ZAN: variants seen among roughly 807,000 people sequenced by gnomAD.
ZAN encodes zonadhesin (gene/pseudogene).
A neutral mutation model predicts 286.2 loss-of-function variants in ZAN; 260 were observed. The observed-to-expected ratio is 0.91, with a 90% CI of 0.82 to 1.01. The LOEUF is 1.01. Ranked by LOEUF, ZAN falls within the 50% of genes least tolerant of loss-of-function variation. The pLI is 0.00. For synonymous variants in ZAN, 1,368 were observed against 1,417.5 expected (o/e 0.97, Z 0.79); for missense variants, 3,410 against 3,639.2 (o/e 0.94, Z 1.62).
rs183014219 is a variant in ZAN at position 100,767,919 on chromosome 7, C to T, written c.4949C>T (p.Thr1650Met). ...RLSSNLVLLY[T>M]NFGLQVRYDG... is the part of the protein sequence containing the mutation. Reference sequence around the variant, plus strand: ...AGCAGCAACCTCGTCCTCCTCTACACGAACTTTGGGCTCCAAGTTCGCTAC... The same window carrying T: ...AGCAGCAACCTCGTCCTCCTCTACATGAACTTTGGGCTCCAAGTTCGCTAC... The change falls in exon 26 of 48, where the codon ACG (threonine) becomes ATG (methionine). Residue 1650 changes from threonine to methionine, a missense_variant. Transcript: ENST00000613979. 1.4e-5 allele frequency: 23 copies of T among 1,614,000 alleles called. No homozygotes were observed. Among genetic ancestry groups the T allele is most frequent in the South Asian group, 7.7e-5 (7 of 91,080 alleles).
chr7:100,771,491 G>A (rs1810365512), intron 28 of ZAN, among the ~76,000 whole-genome samples: 2 of 151,702 alleles, frequency 1.3e-5, no homozygotes, highest in South Asian at 4.1e-4. Flanking sequence ...GAGTGCAATG[G>A]CACAATCTCA....
intron 14 of ZAN, among the ~76,000 whole-genome samples, chr7:100,753,707 C>A (rs1319375160): frequency 6.6e-6 from 1 of 151,488 alleles, no homozygotes; most frequent in African/African-American, 2.4e-5. Context: ...GTGGCGCACG[C>A]CTGTAGTCCC....
rs1328956910 is a variant in ZAN at position 100,766,590 on chromosome 7, T to C, written c.4536T>C (p.Ile1512=). The C allele has an allele frequency of 1.3e-6, 2 of 1,553,244 alleles. No individual in the cohort carries two copies. Among genetic ancestry groups the C allele is most frequent in the Non-Finnish European group, 1.7e-6 (2 of 1,147,934 alleles). The change falls in exon 24 of 48, where the codon ATT becomes ATC. Residue 1512 remains isoleucine, a synonymous_variant. Coordinates refer to ENST00000613979, the MANE Select transcript of ZAN (RefSeq NM_003386.3). The part of the protein sequence containing the change: ...ELCVCESNNR[I]RCQPWRCRAQ... The stretch of plus-strand genomic sequence containing the variant: ...GCGTCTGTGAAAGCAACAACAGAAT[T>C]CGCTGCCAGCCCTGGAGGTGTAGGG...
In ZAN at chr7:100,782,554, C is replaced by T. The variant is rs184575728; in HGVS notation, c.6623-2069C>T. 9.8e-3 allele frequency among the ~76,000 whole-genome samples: 1,498 copies of T among 152,248 alleles called. 14 individuals are homozygous for T. The highest frequency in any genetic ancestry group is 0.015 in the Non-Finnish European group (1,019 of 68,024). On this transcript the variant is annotated intron_variant, in intron 35 of 47. Transcript: ENST00000613979. ...CCATGTTGGCCAGGCTGGTCTCAAACTCCTGGCCTCAAGTGATCTGCCCGC... is the reference window on the plus strand; with the variant it reads ...CCATGTTGGCCAGGCTGGTCTCAAATTCCTGGCCTCAAGTGATCTGCCCGC...
Position 100,737,349 on chromosome 7 carries a change from G to T in ZAN, c.613G>T (p.Val205Phe). ...LSIRRGSCNR[V>F]CMMQTCSFDI... ...TATCCGCCGGGGCTCCTGTAATCGC[G>T]GTGAGTCCCTGTCCCTCCTCCCGCC... is the stretch of plus-strand genomic sequence containing the variant. The change falls in exon 6 of 48, where the codon GTC (valine) becomes TTC (phenylalanine). Residue 205 changes from valine to phenylalanine, a missense_variant and splice_region_variant. Val to Phe is a conservative substitution (Grantham distance 50). Coordinates refer to ENST00000613979, the MANE Select transcript of ZAN (RefSeq NM_003386.3). 2.1e-6 allele frequency: 3 copies of T among 1,456,978 alleles called. 1 individual carries two copies. Among genetic ancestry groups the T allele is most frequent in the Non-Finnish European group, 9.3e-7 (1 of 1,070,350 alleles). The allele number at this position is 1,456,978 out of a possible 1,614,324, so 90.3% of individuals were successfully genotyped here. A position where few individuals can be genotyped will look rare whatever the true frequency, so the allele number is the denominator to read the frequency against.
chr7:100,770,900 C>G (rs986689937), intron 28 of ZAN, among the ~76,000 whole-genome samples: 1 of 151,996 alleles, frequency 6.6e-6, no homozygotes, highest in Non-Finnish European at 1.5e-5. Context: ...GCCTCCCAGG[C>G]GCAAGCTATT....
chr7:100,784,537 C>T, intron 35 of ZAN, 86 bp from the exon 36 acceptor site: 1 of 1,348,626 alleles, frequency 7.4e-7, no homozygotes, highest in Non-Finnish European at 1.0e-6. Flanking sequence ...TGTTGGTCAT[C>T]CACCCATAGC....
At chr7:100,753,753 A>G (rs1808954733) in intron 14 of ZAN, among the ~76,000 whole-genome samples, 1 of 145,836 alleles carries the variant, frequency 6.9e-6, no homozygotes, top group Non-Finnish European at 1.5e-5. Flanking sequence ...GGATCACTTG[A>G]GCCTAGGAGG....
rs759019243 is a variant in ZAN, at chr7:100,752,401, CCCA to C, written c.2300_2302del (p.Thr767del). 3 of 1,542,602 alleles carry C rather than the reference CCCA, an allele frequency of 1.9e-6. No homozygotes were observed. The highest frequency in any genetic ancestry group is 4.9e-5 in the East Asian group (2 of 41,056). On this transcript the variant is annotated inframe_deletion, in exon 14 of 48. Coordinates refer to ENST00000613979, the MANE Select transcript of ZAN (RefSeq NM_003386.3). ...AAAACCCACCACCCCCACAGAAAAA[CCCA>C]CCATCTCCCCAGAAAAACTCACCAT...
In ZAN at chr7:100,739,553, G is replaced by A. The variant is rs1807596451; in HGVS notation, c.766+940G>A. On this transcript the variant is annotated intron_variant, in intron 7 of 47. Coordinates refer to ENST00000613979, the MANE Select transcript of ZAN (RefSeq NM_003386.3). The stretch of plus-strand genomic sequence containing the variant: ...CACGCCTGTAATCCCAGCGCTTTGG[G>A]AAGCTGAGACGGGAGGATCACCTCA... Among the ~76,000 whole-genome samples the A allele has an allele frequency of 2.2e-5, 3 of 135,726 alleles. 1 individual carries two copies. The allele number at this position is 135,726 out of a possible 152,430, so 89.0% of individuals were successfully genotyped here.
chr7:100,783,382 A>T (rs1296699869), intron 35 of ZAN, among the ~76,000 whole-genome samples: 1 of 151,864 alleles, frequency 6.6e-6, no homozygotes, highest in Non-Finnish European at 1.5e-5. Context: ...TGGTTTGCTT[A>T]TGTCTTCAGC....
intron 23 of ZAN, among the ~76,000 whole-genome samples, 191 bp from the exon 24 acceptor site, chr7:100,766,334 T>C (rs1809968936): frequency 6.6e-6 from 1 of 152,116 alleles, no homozygotes; most frequent in African/African-American, 2.4e-5. Flanking sequence ...CCAGAAATGA[T>C]GTAGTGACTG....
chr7:100,781,471 A>G (rs1298957291), intron 35 of ZAN, among the ~76,000 whole-genome samples: 1 of 152,114 alleles, frequency 6.6e-6, no homozygotes. Flanking sequence ...ACATGAGCAC[A>G]GCAGCCTGAG....
In ZAN at chr7:100,748,475, G is replaced by A. The variant is rs1808390839; in HGVS notation, c.1249+5G>A. On this transcript the variant is annotated splice_donor_5th_base_variant and intron_variant, in intron 11 of 47. Coordinates refer to ENST00000613979, the MANE Select transcript of ZAN (RefSeq NM_003386.3). ...CGGGAGGTTTCCCTAATGCAGGTGA[G>A]GAGATTGAGGAGCGCTCACGCCAAG... 1 of 1,607,672 alleles carries A rather than the reference G, an allele frequency of 6.2e-7. No individual in the cohort carries two copies. The highest frequency in any genetic ancestry group is 8.5e-7 in the Non-Finnish European group (1 of 1,177,024).
chr7:100,747,426 G>T, intron 8 of ZAN, 124 bp from the exon 9 acceptor site: 1 of 714,668 alleles, frequency 1.4e-6, no homozygotes. Context: ...AAAGAAGATT[G>T]TGCTTTCATT....
Position 100,775,748 on chromosome 7 carries a change from T to A in ZAN, c.6107T>A (p.Ile2036Asn), listed in dbSNP as rs984801985. The stretch of plus-strand genomic sequence containing the variant: ...GTCAAGTCCAGCAGCATCTACAGCA[T>A]TGTTAACATCAAGATCGGGGTGCAA... The part of the protein sequence containing the change: ...VSVKSSSIYS[I>N]VNIKIGVQVK... The change falls in exon 33 of 48, where the codon ATT (isoleucine) becomes AAT (asparagine). Residue 2036 changes from isoleucine to asparagine, a missense_variant. Physicochemically the swap from Ile to Asn is moderately radical, Grantham distance 149. Coordinates refer to ENST00000613979, the MANE Select transcript of ZAN (RefSeq NM_003386.3). 1.9e-6 allele frequency: 3 copies of A among 1,613,900 alleles called. No individual in the cohort carries two copies. The highest frequency in any genetic ancestry group is 1.3e-5 in the African/African-American group (1 of 75,042).
At chr7:100,750,026 G>GAGGAGGGAGGATCGCTTCA (rs1439163002) in intron 11 of ZAN, among the ~76,000 whole-genome samples, 1 of 136,510 alleles carries the variant, frequency 7.3e-6, no homozygotes, top group Admixed American at 7.9e-5. Context: ...ACTCCAGCCT[G>GAGGAGGGAGGATCGCTTCA]GGCAACAGAG....
In ZAN at chr7:100,758,540, C is replaced by T. The variant is rs760627070; in HGVS notation, c.3461C>T (p.Ala1154Val). 1.2e-4 allele frequency: 181 copies of T among 1,559,526 alleles called. No homozygotes were observed. Among genetic ancestry groups the T allele is most frequent in the Non-Finnish European group, 1.6e-4 (179 of 1,151,742 alleles). Residue 1154 changes from alanine to valine, a missense_variant, in exon 17 of 48, where the codon GCC becomes GTC. By Grantham distance (64) the Ala-to-Val change is moderately conservative (BLOSUM62 0). Transcript: ENST00000613979. The stretch of plus-strand genomic sequence containing the variant: ...TCCTTCCCCCTCCCAGCAGGCACTG[C>T]CACCTGCTTGGTCTACGGAGACCCT... ...QYGCHPYAGT[A>V]TCLVYGDPHY...
rs1810100775 is a variant in ZAN at position 100,767,845 on chromosome 7, G to A, written c.4875G>A (p.Arg1625=). Residue 1625 remains arginine (R), a synonymous_variant, in exon 26 of 48, where the codon CGG becomes CGA. Coordinates refer to ENST00000613979, the MANE Select transcript of ZAN (RefSeq NM_003386.3). ...RGCKVMLNGH[R]VALPVWLAQG... is the part of the protein sequence containing the mutation. ...TGCCTCTGCAGCTGAATGGCCATCG[G>A]GTGGCCCTACCTGTGTGGCTTGCAC... is the stretch of plus-strand genomic sequence containing the variant. The A allele has an allele frequency of 6.2e-7, 1 of 1,613,022 alleles. No individual in the cohort carries two copies. The highest frequency in any genetic ancestry group is 1.3e-5 in the African/African-American group (1 of 74,878).
Sources: gnomAD v4.1 joint callset for allele counts (sites outside exome capture counted in the v4.1 genomes callset) on GRCh38, gnomAD v4.1.1 for gene constraint, MANE v1.5 for transcripts, NCBI Gene and HGNC (gene_info 2026-07-23, HGNC 2026-07-21) for gene names.